The following ZNF536 variants were observed in gnomAD, a reference collection of about 807,000 sequenced individuals.
The protein encoded by ZNF536 is zinc finger protein 536.
In ZNF536, 13 loss-of-function variants were observed where a neutral mutation model predicts 84.5. That is an observed-to-expected ratio of 0.15 (90% confidence interval 0.10 to 0.24). The LOEUF (loss-of-function observed/expected upper bound fraction) is 0.24. Among genes scored for constraint, ZNF536 ranks in the 10% least tolerant of loss-of-function variants. The pLI is 1.00. For synonymous variants in ZNF536, 811 were observed against 742.5 expected, an observed-to-expected ratio of 1.09 and a Z score of -1.50; for missense variants, 1,536 against 1,747.5, an observed-to-expected ratio of 0.88 and a Z score of 2.16.
At chr19:30,539,812 A>T (rs1364610899) in intron 3 of ZNF536, among the ~76,000 whole-genome samples, 4 of 152,088 alleles carry the variant, frequency 2.6e-5, no homozygotes, top group Non-Finnish European at 5.9e-5. Flanking sequence ...CTGGTGGGTG[A>T]GCACCTCATG....
intron 2 of ZNF536, among the ~76,000 whole-genome samples, chr19:30,343,631 T>C (rs1239788361): frequency 6.6e-6 from 1 of 152,196 alleles, no homozygotes; most frequent in East Asian, 1.9e-4. Flanking sequence ...AAGATGTATA[T>C]AGCATGTGCG....
intron 1 of ZNF536, among the ~76,000 whole-genome samples, chr19:30,632,984 A>G (rs1051530553): frequency 2.0e-5 from 3 of 152,234 alleles, no homozygotes; most frequent in Non-Finnish European, 4.4e-5. Context: ...ATGGTCCATG[A>G]CATGCCTGCT....
intron 2 of ZNF536, among the ~76,000 whole-genome samples, chr19:30,493,136 T>C (rs2054577841): frequency 8.1e-6 from 1 of 122,764 alleles, no homozygotes; most frequent in Admixed American, 9.7e-5. Context: ...TCAGTGCACA[T>C]AGTTCTGGGC....
At chr19:30,667,078 CA>C (rs1568653109) in intron 1 of ZNF536, among the ~76,000 whole-genome samples, 4 of 152,102 alleles carry the variant, frequency 2.6e-5, no homozygotes, top group African/African-American at 7.2e-5. Flanking sequence ...CCCAGGAATG[CA>C]AACTGTGCTG....
At chr19:30,420,620 T>C (rs2050912481) in intron 1 of ZNF536, among the ~76,000 whole-genome samples, 1 of 152,030 alleles carries the variant, frequency 6.6e-6, no homozygotes, top group East Asian at 1.9e-4. Flanking sequence ...TCAGGCAATA[T>C]CAGGAAAAAC....
chr19:30,527,219 CTTTTTTTTTTTTTTTTTTT>C (rs56404227), intron 2 of ZNF536, among the ~76,000 whole-genome samples: 5 of 106,172 alleles, frequency 4.7e-5, no homozygotes, highest in African/African-American at 1.2e-4. Flanking sequence ...ACCCAGCCTC[CTTTTTTTTTTTTTTTTTTT>C]TTTTTTTTTT....
intron 1 of ZNF536, among the ~76,000 whole-genome samples, chr19:30,408,005 T>G (rs2050333989): frequency 6.6e-6 from 1 of 152,196 alleles, no homozygotes; most frequent in Non-Finnish European, 1.5e-5. Context: ...TCTGATGTGA[T>G]GGGCACTATG....
At chr19:30,702,673 C>T (rs1370329903) in intron 1 of ZNF536, among the ~76,000 whole-genome samples, 1 of 152,212 alleles carries the variant, frequency 6.6e-6, no homozygotes, top group Non-Finnish European at 1.5e-5. Context: ...CTGTACCTCG[C>T]TGACCTGCTC....
At chr19:30,640,050 G>T (rs2049211372) in intron 1 of ZNF536, among the ~76,000 whole-genome samples, 1 of 152,158 alleles carries the variant, frequency 6.6e-6, no homozygotes, top group Non-Finnish European at 1.5e-5. Flanking sequence ...TTTGAGACCA[G>T]CCTGGCTAAC....
chr19:30,680,418 A>G (rs1248363090), intron 1 of ZNF536, among the ~76,000 whole-genome samples: 1 of 100,374 alleles, frequency 1.0e-5, no homozygotes, highest in African/African-American at 4.1e-5. Context: ...CCACCCCACA[A>G]CAGTCCCCAG....
chr19:30,444,990 G>A lies in ZNF536; in HGVS notation c.1428G>A (p.Met476Ile), dbSNP rs2148206978. 5.6e-6 allele frequency: 9 copies of A among 1,611,066 alleles called. No individual in the cohort carries two copies. The highest frequency in any genetic ancestry group is 7.6e-6 in the Non-Finnish European group (9 of 1,178,538). The change falls in exon 2 of 5, where the codon ATG becomes ATA. Residue 476 changes from methionine to isoleucine, a missense_variant. Physicochemically the swap from Met to Ile is conservative, Grantham distance 10. This residue lies in a region of ZNF536 where 366 missense variants were observed against 364.4 expected (regional missense o/e 1.00). Transcript: ENST00000355537. ...LGKLLSPISS[M>I]AHGVPEGDKH... ...AGCTGCTGTCTCCCATCTCCAGCAT[G>A]GCCCACGGCGTCCCGGAGGGGGACA... is the stretch of plus-strand genomic sequence containing the variant.
At chr19:30,579,025 G>A (rs1236627710) in intron 1 of ZNF536, among the ~76,000 whole-genome samples, 1 of 152,134 alleles carries the variant, frequency 6.6e-6, no homozygotes, top group African/African-American at 2.4e-5. Flanking sequence ...GTATCTACCT[G>A]ACATAACTAT....
intron 1 of ZNF536, among the ~76,000 whole-genome samples, chr19:30,402,796 A>ATATATATATATATAT (rs1555744993): frequency 0.084 from 7,099 of 84,752 alleles, 1,005 homozygotes; most frequent in Non-Finnish European, 0.11. Flanking sequence ...AAAATTAAAA[A>ATATATATATATATAT]ATATATATAT....
In ZNF536 at chr19:30,657,269, C is replaced by T. The variant is rs1011118322; in HGVS notation, c.170-53488C>T. On this transcript the variant is annotated intron_variant, in intron 1 of 1. Transcript: ENST00000592773. ...CGTGATGTCCTGTAAGTCACCAAAA[C>T]TGCCTCAGCTTTAGTATTCTCTGTG... Among the ~76,000 whole-genome samples, 4 of 152,314 alleles carry T rather than the reference C, an allele frequency of 2.6e-5. No individual in the cohort carries two copies. In the South Asian group the frequency reaches 6.2e-4, roughly 24 times the overall value.
chr19:30,525,837 G>A (rs1305763082), intron 2 of ZNF536, among the ~76,000 whole-genome samples: 2 of 152,194 alleles, frequency 1.3e-5, no homozygotes, highest in African/African-American at 4.8e-5. Context: ...GAACAGAAAG[G>A]TGAGGGTTGG....
At position 30,611,679 on chromosome 19, in the gene ZNF536, C is replaced by A. The variant is rs115596154; in HGVS notation, c.169+62165C>A. ...GGTGACATGGCGCGTACTATTTCTG[C>A]ATAAATTTCCTTGGAGTCATTGATC... On this transcript the variant is annotated intron_variant, in intron 1 of 1. Coordinates refer to the ZNF536 transcript ENST00000592773. Among the ~76,000 whole-genome samples, 717 of 152,288 alleles carry A rather than the reference C, an allele frequency of 4.7e-3. 6 individuals are homozygous for A. Among genetic ancestry groups the A allele is most frequent in the African/African-American group, 0.016 (683 of 41,562 alleles).
chr19:30,691,746 G>GA (rs71333465), intron 1 of ZNF536, among the ~76,000 whole-genome samples: 115 of 149,930 alleles, frequency 7.7e-4, no homozygotes, highest in African/African-American at 2.1e-3. Flanking sequence ...TAAAAGCAAA[G>GA]AAAAAAAAAT....
chr19:30,583,489 AT>A (rs1245418845), intron 1 of ZNF536, among the ~76,000 whole-genome samples: 1 of 152,206 alleles, frequency 6.6e-6, no homozygotes, highest in Admixed American at 6.5e-5. Context: ...GGCAGCTGGA[AT>A]GGGTGTGCTT....
At chr19:30,330,448 G>T (rs1412200532) in intron 2 of ZNF536, among the ~76,000 whole-genome samples, 1 of 152,160 alleles carries the variant, frequency 6.6e-6, no homozygotes, top group African/African-American at 2.4e-5. Context: ...GCTGCAGGGG[G>T]CATTGGAGGG....
Sources: gnomAD v4.1 joint callset for allele counts (sites outside exome capture counted in the v4.1 genomes callset) on GRCh38, gnomAD v4.1.1 for gene constraint, gnomAD v4.1.1 regional missense constraint, MANE v1.5 for transcripts, NCBI Gene and HGNC (gene_info 2026-07-23, HGNC 2026-07-21) for gene names.